Variants in ENPP3 observed in about 807,000 individuals in gnomAD.
ENPP3 encodes the protein ectonucleotide pyrophosphatase/phosphodiesterase 3, also known as ectonucleotide pyrophosphatase/phosphodiesterase family member 3.
Under a neutral mutation model 117.8 loss-of-function variants are expected in ENPP3, and 104 were observed. That is an observed-to-expected ratio of 0.88 (90% CI 0.75 to 1.04). The LOEUF (loss-of-function observed/expected upper bound fraction) is 1.04. Ranked by LOEUF, ENPP3 falls within the 50% of genes least tolerant of loss-of-function variation. The probability of loss-of-function intolerance (pLI) is 0.00; values close to 1 mark genes in which losing one functional copy is unlikely to be tolerated. For missense variants in ENPP3, 1,026 were observed against 1,051.9 expected, an observed-to-expected ratio of 0.98 and a Z score of 0.34; for synonymous variants, 380 against 349.9, an observed-to-expected ratio of 1.09 and a Z score of -0.96.
chr6:131,722,452 A>G, intron 18 of ENPP3, 47 bp downstream of exon 18: 2 of 1,517,062 alleles, frequency 1.3e-6, no homozygotes, highest in South Asian at 1.2e-5. Context: ...GGGGCAAGCT[A>G]TTCTTAACCT....
intron 3 of ENPP3, among the ~76,000 whole-genome samples, chr6:131,651,286 A>C (rs1778257054): frequency 3.3e-5 from 5 of 152,204 alleles, no homozygotes; most frequent in Admixed American, 2.0e-4. Flanking sequence ...TTGGGACTTC[A>C]ACATATTTTT....
At chr6:131,679,765 T>C (rs1778983334) in intron 11 of ENPP3, among the ~76,000 whole-genome samples, 2 of 152,140 alleles carry the variant, frequency 1.3e-5, no homozygotes, top group African/African-American at 4.8e-5. Context: ...ACACATAAAA[T>C]GAACAAATGG....
chr6:131,733,812 A>G, intron 21 of ENPP3, 89 bp downstream of exon 21: 1 of 1,374,680 alleles, frequency 7.3e-7, no homozygotes, highest in Non-Finnish European at 1.0e-6. Context: ...CTCCCCACCA[A>G]AACTACCTGC....
intron 1 of ENPP3, among the ~76,000 whole-genome samples, chr6:131,637,672 TACGTTAAACTCAA>T (rs1183736518): frequency 6.6e-6 from 1 of 152,206 alleles, no homozygotes; most frequent in Non-Finnish European, 1.5e-5. Flanking sequence ...AAGTTAACAT[TACGTTAAACTCAA>T]AAGTTGGAAT....
rs1562480512 is a variant in ENPP3, at chr6:131,733,593, C to T, written c.1959C>T (p.Asp653=). The T allele has an allele frequency of 1.9e-6, 3 of 1,612,444 alleles. No homozygotes were observed. The highest frequency in any genetic ancestry group is 2.2e-5 in the East Asian group (1 of 44,874). The change falls in exon 21 of 25, where the codon GAC becomes GAT. Residue 653 remains aspartate (D), a synonymous_variant. Coordinates refer to ENST00000357639, the MANE Select transcript of ENPP3 (RefSeq NM_005021.5). ...WSSYTVPQLG[D]TSPLPPTVPD... ...TTCTCTCTCTCTTTGAACAGGGAGA[C>T]ACATCGCCTCTGCCTCCCACTGTCC...
rs149931859 is a variant in ENPP3, at chr6:131,658,231, A to C, written c.465-92A>C. 1.9e-4 allele frequency: 135 copies of C among 717,080 alleles called. No homozygotes were observed. The African/African-American group carries it at 1.9e-3, about 10-fold the overall frequency. 44.4% of individuals were successfully genotyped at this position (717,080 alleles called of 1,614,324 possible). On this transcript the variant is annotated intron_variant, in intron 5 of 24. Coordinates refer to ENST00000357639, the MANE Select transcript of ENPP3 (RefSeq NM_005021.5). ...GGCCCAAAAGTTACCCAATTATTTT[A>C]CCTTAAACACAGGTCTAAAAAAGGA...
chr6:131,643,873 G>T (rs1183274085), intron 2 of ENPP3, among the ~76,000 whole-genome samples: 2 of 151,870 alleles, frequency 1.3e-5, no homozygotes. Context: ...TATATAATAA[G>T]ATAAAGTGCT....
chr6:131,733,788 GCCTTAAAC>G, intron 21 of ENPP3, 65 bp downstream of exon 21: 1 of 1,542,306 alleles, frequency 6.5e-7, no homozygotes, highest in Non-Finnish European at 8.9e-7. Flanking sequence ...GTGGGCATGT[GCCTTAAAC>G]ATATACTCCC....
intron 15 of ENPP3, among the ~76,000 whole-genome samples, chr6:131,695,871 G>T (rs939159447): frequency 6.6e-6 from 1 of 151,836 alleles, no homozygotes; most frequent in African/African-American, 2.4e-5. Flanking sequence ...AGCCAAGATC[G>T]CACCACTGCA....
chr6:131,737,350 T>C lies in ENPP3; in HGVS notation c.2090-5T>C. On this transcript the variant is annotated splice_polypyrimidine_tract_variant and splice_region_variant and intron_variant, in intron 21 of 24. Coordinates refer to ENST00000357639, the MANE Select transcript of ENPP3 (RefSeq NM_005021.5). Reference sequence around the variant, plus strand: ...TAGATCTAATAAGATCCATTTGTTTTGCAGCCAGCAATAGAACATCAGATA... The same window carrying C: ...TAGATCTAATAAGATCCATTTGTTTCGCAGCCAGCAATAGAACATCAGATA... 1 of 1,600,784 alleles carries C rather than the reference T, an allele frequency of 6.2e-7. No homozygotes were observed. Among genetic ancestry groups the C allele is most frequent in the Non-Finnish European group, 8.5e-7 (1 of 1,169,770 alleles).
intron 6 of ENPP3, among the ~76,000 whole-genome samples, chr6:131,663,297 T>A: frequency 6.6e-6 from 1 of 151,562 alleles, no homozygotes; most frequent in East Asian, 1.9e-4. Flanking sequence ...TGTTGAAGTA[T>A]TTTTTTTCTA....
At chr6:131,709,619 A>G (rs1379109235) in intron 15 of ENPP3, 3 of 1,612,042 alleles carry the variant, frequency 1.9e-6, no homozygotes, top group African/African-American at 2.7e-5. Context: ...CGAGCTGCCA[A>G]CCAATTATCA....
At chr6:131,741,252 A>T (rs920086151) in intron 24 of ENPP3, among the ~76,000 whole-genome samples, 1 of 152,212 alleles carries the variant, frequency 6.6e-6, no homozygotes, top group African/African-American at 2.4e-5. Context: ...TTAAGCACAT[A>T]GTATCATGAT....
intron 3 of ENPP3, 94 bp from the exon 4 acceptor site, chr6:131,652,448 A>G: frequency 1.6e-6 from 2 of 1,254,466 alleles, no homozygotes; most frequent in Non-Finnish European, 2.2e-6. Flanking sequence ...CAAGAATTTG[A>G]TTGTGTTATT....
chr6:131,663,613 G>T (rs965600990), intron 6 of ENPP3, among the ~76,000 whole-genome samples: 1 of 149,656 alleles, frequency 6.7e-6, no homozygotes, highest in Non-Finnish European at 1.5e-5. Flanking sequence ...AGGATCCCTT[G>T]AGCCTAGGAG....
intron 18 of ENPP3, among the ~76,000 whole-genome samples, 171 bp from the exon 19 acceptor site, chr6:131,723,869 G>C (rs1189800345): frequency 1.3e-5 from 2 of 151,130 alleles, no homozygotes; most frequent in African/African-American, 4.9e-5. Flanking sequence ...GGGAGCAGTA[G>C]TGTCTCTATA....
intron 6 of ENPP3, among the ~76,000 whole-genome samples, chr6:131,659,972 G>C (rs1778463745): frequency 6.6e-6 from 1 of 152,096 alleles, no homozygotes; most frequent in Non-Finnish European, 1.5e-5. Context: ...GCCACTAAGA[G>C]CTTTCTGCTT....
At chr6:131,741,422 TG>T (rs2114581100) in intron 24 of ENPP3, among the ~76,000 whole-genome samples, 1 of 152,302 alleles carries the variant, frequency 6.6e-6, no homozygotes, top group African/African-American at 2.4e-5. Context: ...GTTGCAAAGT[TG>T]GGATCAATTG....
intron 15 of ENPP3, among the ~76,000 whole-genome samples, chr6:131,703,798 G>A (rs1373052889): frequency 6.6e-6 from 1 of 151,276 alleles, no homozygotes; most frequent in Admixed American, 6.6e-5. Context: ...AAGGGAAGGT[G>A]TTATTAAGTC....
Sources: allele counts gnomAD v4.1 joint callset (sites outside exome capture counted in the v4.1 genomes callset), GRCh38; gene constraint gnomAD v4.1.1; transcripts MANE v1.5; gene names NCBI Gene and HGNC (gene_info 2026-07-23, HGNC 2026-07-21).